MYO10: variants seen among roughly 807,000 people sequenced by gnomAD.
MYO10 encodes the protein myosin X.
A neutral mutation model predicts 257.3 loss-of-function variants in MYO10; 133 were observed. The observed-to-expected ratio is 0.52, with a 90% CI of 0.45 to 0.60. The LOEUF is 0.60. MYO10 is among the 20% of genes least tolerant of loss of function. The pLI is 0.00. For missense variants in MYO10, 2,399 were observed against 2,635.7 expected, an observed-to-expected ratio of 0.91 and a Z score of 1.97; for synonymous variants, 1,104 against 1,028.6, an observed-to-expected ratio of 1.07 and a Z score of -1.40.
At chr5:16,933,291 C>CACAGG (rs1474704605) in intron 1 of MYO10, among the ~76,000 whole-genome samples, 2 of 152,186 alleles carry the variant, frequency 1.3e-5, no homozygotes, top group Non-Finnish European at 2.9e-5. Context: ...TCCTACAACA[C>CACAGG]ACAGGACGGC....
At chr5:16,783,206 T>C (rs988596973) in intron 5 of MYO10, 129 bp downstream of exon 5, 1 of 968,534 alleles carries the variant, frequency 1.0e-6, no homozygotes, top group Admixed American at 3.1e-5. Flanking sequence ...AGACCTTTTC[T>C]TAAGGAATTG....
chr5:16,776,652 C>T (rs1325882156), intron 9 of MYO10, among the ~76,000 whole-genome samples: 1 of 152,124 alleles, frequency 6.6e-6, no homozygotes, highest in Non-Finnish European at 1.5e-5. Context: ...TTCAATGTAG[C>T]AATAAAAGCT....
At chr5:16,726,637 G>C (rs1739376630) in intron 19 of MYO10, among the ~76,000 whole-genome samples, 1 of 152,198 alleles carries the variant, frequency 6.6e-6, no homozygotes, top group South Asian at 2.1e-4. Context: ...ATTCAGGAAA[G>C]GGGGAGTTCC....
At chr5:16,898,413 CTT>C (rs34185618) in intron 1 of MYO10, among the ~76,000 whole-genome samples, 24 of 136,918 alleles carry the variant, frequency 1.8e-4, no homozygotes, top group African/African-American at 2.2e-4. Flanking sequence ...ATTTCTTTCT[CTT>C]TTTTTTTTTT....
intron 9 of MYO10, among the ~76,000 whole-genome samples, chr5:16,773,459 C>T (rs1254832452): frequency 1.3e-5 from 2 of 151,868 alleles, no homozygotes; most frequent in Non-Finnish European, 2.9e-5. Flanking sequence ...AATATATAAT[C>T]ATTTTTTAGC....
intron 3 of MYO10, among the ~76,000 whole-genome samples, chr5:16,800,431 A>G (rs1274756461): frequency 6.6e-6 from 1 of 152,174 alleles, no homozygotes; most frequent in African/African-American, 2.4e-5. Context: ...ATAAATATTA[A>G]TAACAGACTG....
rs1561167158 is a variant in MYO10, at chr5:16,671,458, T to C, written c.5394A>G (p.Pro1798=). The change falls in exon 38 of 41, where the codon CCA becomes CCG. Residue 1798 remains proline, a synonymous_variant. Transcript: ENST00000513610. Reference sequence around the variant, plus strand: ...TAAATGCAAACTCCACACTGTCTTTTGGCACGTTGTCTGTGTCCAGGAAGC... The same window carrying C: ...TAAATGCAAACTCCACACTGTCTTTCGGCACGTTGTCTGTGTCCAGGAAGC... ...LYCFLDTDNV[P]KDSVEFAFMF... The C allele has an allele frequency of 1.2e-6, 2 of 1,614,036 alleles. No homozygotes were observed. Among genetic ancestry groups the C allele is most frequent in the Non-Finnish European group, 8.5e-7 (1 of 1,179,890 alleles).
intron 28 of MYO10, among the ~76,000 whole-genome samples, chr5:16,688,136 C>T (rs887391278): frequency 6.6e-6 from 1 of 152,172 alleles, no homozygotes; most frequent in African/African-American, 2.4e-5. Context: ...GCAGGCATTC[C>T]CTGGGCCACA....
At chr5:16,851,770 TG>T (rs534088147) in intron 2 of MYO10, among the ~76,000 whole-genome samples, 148 of 152,218 alleles carry the variant, frequency 9.7e-4, no homozygotes, top group Middle Eastern at 3.4e-3. Context: ...AAAGACTTAA[TG>T]GCCGGGCGTG....
intron 19 of MYO10, among the ~76,000 whole-genome samples, chr5:16,713,744 C>T (rs1738728063): frequency 1.3e-5 from 2 of 152,224 alleles, no homozygotes; most frequent in African/African-American, 4.8e-5. Flanking sequence ...TTTTCGGCTG[C>T]AATTTCCTTT....
intron 1 of MYO10, among the ~76,000 whole-genome samples, chr5:16,897,192 G>A (rs577511779): frequency 5.2e-4 from 79 of 151,030 alleles, no homozygotes; most frequent in Non-Finnish European, 9.9e-4. Flanking sequence ...TTAGTTGAAA[G>A]ACCAGTCATT....
chr5:16,765,838 C>G (rs1456561042), intron 11 of MYO10, among the ~76,000 whole-genome samples: 3 of 152,112 alleles, frequency 2.0e-5, no homozygotes, highest in Non-Finnish European at 4.4e-5. Flanking sequence ...AATCTGCATT[C>G]GACCCATCCT....
In MYO10 at chr5:16,711,873, C is replaced by A. The variant is rs114752909; in HGVS notation, c.1930-628G>T. Among the ~76,000 whole-genome samples, 1,042 of 152,186 alleles carry A rather than the reference C, an allele frequency of 6.8e-3. 3 individuals carry two copies. The highest frequency in any genetic ancestry group is 0.012 in the South Asian group (60 of 4,822). On this transcript the variant is annotated intron_variant, in intron 19 of 40. Coordinates refer to ENST00000513610, the MANE Select transcript of MYO10 (RefSeq NM_012334.3). ...TCATGTGTTAATATAACACTAGTAT[C>A]ATATCTTAAAAGATAACAATAATTC...
chr5:16,747,741 A>G (rs1740238887), intron 19 of MYO10, among the ~76,000 whole-genome samples: 1 of 151,638 alleles, frequency 6.6e-6, no homozygotes, highest in Admixed American at 6.6e-5. Flanking sequence ...ACACAGAGAA[A>G]CCCCCGTCTC....
rs563864752 is a variant in MYO10 at position 16,692,677 on chromosome 5, A to AC, written c.3800+1693_3800+1694insG. 2.7e-4 allele frequency among the ~76,000 whole-genome samples: 41 copies of AC among 152,288 alleles called. 2 individuals are homozygous for AC. In the South Asian group the frequency reaches 5.4e-3, roughly 20 times the overall value. On this transcript the variant is annotated intron_variant, in intron 27 of 40. Transcript: ENST00000513610. ...ATGAAACACTCTTGGCCATGGGTGG[A>AC]TAGCCACCGAAAGCTCTGGAATAAG...
intron 5 of MYO10, among the ~76,000 whole-genome samples, chr5:16,782,451 G>A (rs904214320): frequency 5.9e-5 from 9 of 152,182 alleles, no homozygotes; most frequent in Non-Finnish European, 8.8e-5. Context: ...CAGATTACAG[G>A]AGGAAGATGA....
chr5:16,693,605 G>C (rs1331785312), intron 27 of MYO10, among the ~76,000 whole-genome samples: 2 of 152,200 alleles, frequency 1.3e-5, no homozygotes, highest in African/African-American at 2.4e-5. Flanking sequence ...CTGACTTCAG[G>C]CATTAATTTG....
At chr5:16,745,002 G>A (rs1275148728) in intron 19 of MYO10, among the ~76,000 whole-genome samples, 1 of 152,224 alleles carries the variant, frequency 6.6e-6, no homozygotes, top group Non-Finnish European at 1.5e-5. Context: ...AAGAAGAGCA[G>A]CGAATGGAAG....
intron 19 of MYO10, among the ~76,000 whole-genome samples, chr5:16,723,829 G>C (rs1739251167): frequency 6.6e-6 from 1 of 152,236 alleles, no homozygotes; most frequent in African/African-American, 2.4e-5. Flanking sequence ...TGCATACATA[G>C]TGCTAGGTGA....
Sources: gnomAD v4.1 joint callset for allele counts (sites outside exome capture counted in the v4.1 genomes callset) on GRCh38, gnomAD v4.1.1 for gene constraint, MANE v1.5 for transcripts, NCBI Gene and HGNC (gene_info 2026-07-23, HGNC 2026-07-21) for gene names.